IRF2: variants seen among roughly 807,000 people sequenced by gnomAD.
IRF2 encodes interferon regulatory factor 2.
A neutral mutation model predicts 40.6 loss-of-function variants in IRF2; 15 were observed. The ratio of observed to expected loss-of-function variants is 0.37; its 90% CI spans 0.25 to 0.57. The LOEUF (loss-of-function observed/expected upper bound fraction) is 0.57, where lower values mean the gene tolerates loss of function less well. Among genes scored for constraint, IRF2 ranks in the 20% least tolerant of loss-of-function variants. The probability of loss-of-function intolerance (pLI) is 0.77; values close to 1 mark genes in which losing one functional copy is unlikely to be tolerated. For synonymous variants in IRF2, 151 were observed against 165.5 expected (o/e 0.91, Z 0.67); for missense variants, 317 against 455.7 (o/e 0.70, Z 2.77).
rs1244650937 is a variant in IRF2 at position 184,413,031 on chromosome 4, A to G, written c.412-4756T>C. On this transcript the variant is annotated intron_variant, in intron 5 of 8. Transcript: ENST00000393593. This position sits in a 1 kb window ranked among gnomAD's most constrained non-coding sequence, Gnocchi z 4.2. ...ACACCCTCTCCACAAAACGACCTGC[A>G]TTCCCAACACTCGCTTCTGAAGGTG... Among the ~76,000 whole-genome samples the G allele has an allele frequency of 1.3e-5, 2 of 152,118 alleles. No individual in the cohort carries two copies. The highest frequency in any genetic ancestry group is 1.3e-4 in the Admixed American group (2 of 15,260).
chr4:184,473,486 G>A (rs1247205937), intron 1 of IRF2, among the ~76,000 whole-genome samples: 1 of 147,746 alleles, frequency 6.8e-6, no homozygotes, highest in African/African-American at 2.4e-5. Context: ...CGAGCCCCTG[G>A]CGCGCTGGGA....
chr4:184,459,873 G>A (rs1027821765), intron 1 of IRF2, among the ~76,000 whole-genome samples: 2 of 152,220 alleles, frequency 1.3e-5, no homozygotes, highest in African/African-American at 4.8e-5. Flanking sequence ...GTTGGTAAAA[G>A]GTGTGGAGAA....
rs1050985129 is a variant in IRF2, at chr4:184,390,835, T to C, written c.695-86A>G. The C allele has an allele frequency of 3.6e-6, 5 of 1,389,520 alleles. No individual in the cohort carries two copies. In the African/African-American group the frequency reaches 7.1e-5, roughly 20 times the overall value. The allele number at this position is 1,389,520 out of a possible 1,614,324, so 86.1% of individuals were successfully genotyped here. ...CAGGCAGTGTTTATAAAAAGGAGAC[T>C]GAGTAACTAAACGCATCACCTCCCT... On this transcript the variant is annotated intron_variant, in intron 7 of 8. Transcript: ENST00000393593.
In IRF2 at chr4:184,388,589, T is replaced by C; in HGVS notation, c.*169A>G. On this transcript the variant is annotated 3_prime_UTR_variant, in exon 9 of 9. Coordinates refer to ENST00000393593, the MANE Select transcript of IRF2 (RefSeq NM_002199.4). The surrounding 1 kb of genome is among the most constrained non-coding windows in gnomAD (Gnocchi z 4.6). ...CTACCAATGGGCTGGAGTCCTGAGTTAAAGAGAAGCTCCAGTACTGGAGTT... is the reference window on the plus strand; with the variant it reads ...CTACCAATGGGCTGGAGTCCTGAGTCAAAGAGAAGCTCCAGTACTGGAGTT... 1.5e-6 allele frequency: 1 copy of C among 661,580 alleles called. No individual in the cohort carries two copies. The highest frequency in any genetic ancestry group is 2.5e-6 in the Non-Finnish European group (1 of 398,074). The allele number at this position is 661,580 out of a possible 1,614,324, so 41.0% of individuals were successfully genotyped here. A position where few individuals can be genotyped will look rare whatever the true frequency, so the allele number is the denominator to read the frequency against.
intron 1 of IRF2, among the ~76,000 whole-genome samples, chr4:184,437,886 G>A (rs920580389): frequency 2.6e-5 from 4 of 151,084 alleles, no homozygotes; most frequent in Non-Finnish European, 4.4e-5. Flanking sequence ...GAATCTAACA[G>A]CAGTGTTTAG....
intron 1 of IRF2, among the ~76,000 whole-genome samples, chr4:184,436,528 C>T (rs1413669043): frequency 6.6e-6 from 1 of 152,102 alleles, no homozygotes; most frequent in Non-Finnish European, 1.5e-5. Context: ...TATTAATTGC[C>T]AACTAAGTTA....
chr4:184,419,155 TG>T (rs575865597), intron 3 of IRF2, among the ~76,000 whole-genome samples: 85 of 152,246 alleles, frequency 5.6e-4, no homozygotes, highest in African/African-American at 1.6e-3. Context: ...ACTACCTTTT[TG>T]GGGGGGAGAT....
intron 1 of IRF2, among the ~76,000 whole-genome samples, chr4:184,445,168 T>G (rs1000332788): frequency 5.3e-5 from 8 of 152,162 alleles, no homozygotes; most frequent in African/African-American, 1.9e-4. Context: ...GAGACAGTTG[T>G]TTGACCTGGA....
intron 1 of IRF2, among the ~76,000 whole-genome samples, chr4:184,466,060 G>GTTTTTTTT (rs750400403): frequency 5.5e-5 from 6 of 109,698 alleles, no homozygotes; most frequent in Non-Finnish European, 6.1e-5. Flanking sequence ...GTTGTTTTTT[G>GTTTTTTTT]TTTTTTGTTT....
Position 184,396,370 on chromosome 4 carries a change from G to T in IRF2, c.694+2545C>A, listed in dbSNP as rs571571053. On this transcript the variant is annotated intron_variant, in intron 7 of 8. Coordinates refer to ENST00000393593, the MANE Select transcript of IRF2 (RefSeq NM_002199.4). ...ATGGGTTCTAGCTGTGCTCCCAATC[G>T]TTCCTCCCTCAGACACGCTGCTCTA... is the stretch of plus-strand genomic sequence containing the variant. Among the ~76,000 whole-genome samples, 4 of 151,688 alleles carry T rather than the reference G, an allele frequency of 2.6e-5. No individual in the cohort carries two copies. In the East Asian group the frequency reaches 7.8e-4, roughly 29 times the overall value.
At chr4:184,443,617 A>T (rs1418313196) in intron 1 of IRF2, among the ~76,000 whole-genome samples, 1 of 152,186 alleles carries the variant, frequency 6.6e-6, no homozygotes, top group Non-Finnish European at 1.5e-5. Flanking sequence ...TCCACTGCTG[A>T]TGAGGACCTA....
intron 1 of IRF2, chr4:184,472,752 T>C (rs1022887829): frequency 1.3e-5 from 2 of 152,390 alleles, no homozygotes; most frequent in African/African-American, 2.4e-5. Flanking sequence ...CTCGCTCTTC[T>C]GAGCTACCTC....
intron 5 of IRF2, among the ~76,000 whole-genome samples, chr4:184,411,203 G>T (rs561319391): frequency 6.6e-6 from 1 of 151,996 alleles, no homozygotes; most frequent in Non-Finnish European, 1.5e-5. Context: ...GATTACAGGT[G>T]CCTGCCACCA....
At chr4:184,419,145 A>G (rs1737387819) in intron 3 of IRF2, among the ~76,000 whole-genome samples, 1 of 152,174 alleles carries the variant, frequency 6.6e-6, no homozygotes, top group South Asian at 2.1e-4. Flanking sequence ...GGTATTTCTG[A>G]CTACCTTTTT....
rs1737541698 is a variant in IRF2 at position 184,423,149 on chromosome 4, A to C, written c.88-3581T>G. Among the ~76,000 whole-genome samples the C allele has an allele frequency of 2.0e-5, 3 of 152,214 alleles. 1 individual carries two copies. The South Asian group carries it at 6.2e-4, about 31-fold the overall frequency. On this transcript the variant is annotated intron_variant, in intron 2 of 8. Coordinates refer to ENST00000393593, the MANE Select transcript of IRF2 (RefSeq NM_002199.4). ...TCACAAGTTGTGTGTTCCATGGGAC[A>C]TGACGGTGTTGCTATGTGTGTGTAG...
At chr4:184,438,819 C>T (rs577784125) in intron 1 of IRF2, among the ~76,000 whole-genome samples, 79 of 152,236 alleles carry the variant, frequency 5.2e-4, no homozygotes, top group Admixed American at 7.2e-4. Context: ...ATAGTATGTT[C>T]GGAGCAAAGA....
In IRF2 at chr4:184,431,774, G is replaced by A. The variant is rs187650906; in HGVS notation, c.-6-2704C>T. ...CCTGAGCCTGGCAATATGGAAACAC[G>A]AGAGGCGTGTGGAAGTGGCCCTGCC... On this transcript the variant is annotated intron_variant, in intron 1 of 8. Transcript: ENST00000393593. Among the ~76,000 whole-genome samples, 87 of 137,168 alleles carry A rather than the reference G, an allele frequency of 6.3e-4. 1 individual carries two copies. Among genetic ancestry groups the A allele is most frequent in the African/African-American group, 2.1e-3 (84 of 39,336 alleles). 90.0% of individuals were successfully genotyped at this position (137,168 alleles called of 152,430 possible). A position where few individuals can be genotyped will look rare whatever the true frequency, so the allele number is the denominator to read the frequency against.
chr4:184,440,232 C>T (rs537573813), intron 1 of IRF2, among the ~76,000 whole-genome samples: 3 of 152,220 alleles, frequency 2.0e-5, no homozygotes, highest in African/African-American at 4.8e-5. Flanking sequence ...CCATTACCCA[C>T]GGCCTCCTTC....
At chr4:184,421,384 G>A (rs558622597) in intron 2 of IRF2, among the ~76,000 whole-genome samples, 3 of 152,226 alleles carry the variant, frequency 2.0e-5, no homozygotes, top group African/African-American at 7.2e-5. Context: ...GAGGGCTTCG[G>A]GTTAGCCAAT....
Sources: allele counts gnomAD v4.1 joint callset (sites outside exome capture counted in the v4.1 genomes callset), GRCh38; gene constraint gnomAD v4.1.1; non-coding constraint Gnocchi (gnomAD v3.1); transcripts MANE v1.5; gene names NCBI Gene and HGNC (gene_info 2026-07-23, HGNC 2026-07-21).